Variants in RAPGEF4 observed in about 807,000 individuals in gnomAD.
RAPGEF4 encodes Rap guanine nucleotide exchange factor 4.
RAPGEF4 carries 66 observed loss-of-function variants against 147.9 expected under a neutral mutation model. The observed-to-expected ratio is 0.45, with a 90% CI of 0.37 to 0.55. The LOEUF (loss-of-function observed/expected upper bound fraction) is 0.55, where lower values mean the gene tolerates loss of function less well. Among genes scored for constraint, RAPGEF4 ranks in the 20% least tolerant of loss-of-function variants. RAPGEF4 has a pLI of 0.00. For synonymous variants in RAPGEF4, 419 were observed against 442.7 expected, an observed-to-expected ratio of 0.95 and a Z score of 0.67; for missense variants, 1,071 against 1,257.3, an observed-to-expected ratio of 0.85 and a Z score of 2.24.
In RAPGEF4 at chr2:172,797,507, A is replaced by C; in HGVS notation, c.209-18A>C. ...AAGTTGTATCTGTTATATTTATATC[A>C]CAATTTTTTTTTCCCAGTATTTCGC... On this transcript the variant is annotated intron_variant, in intron 2 of 30. Transcript: ENST00000397081. The C allele has an allele frequency of 6.3e-7, 1 of 1,597,922 alleles. No homozygotes were observed. Among genetic ancestry groups the C allele is most frequent in the East Asian group, 2.2e-5 (1 of 44,722 alleles).
chr2:172,780,662 C>A, intron 1 of RAPGEF4, among the ~76,000 whole-genome samples: 1 of 152,154 alleles, frequency 6.6e-6, no homozygotes, highest in Non-Finnish European at 1.5e-5. Context: ...TGCTGCTCTT[C>A]AATACCTTGG....
At chr2:172,846,558 C>A (rs1300699331) in intron 4 of RAPGEF4, among the ~76,000 whole-genome samples, 3 of 152,108 alleles carry the variant, frequency 2.0e-5, no homozygotes, top group African/African-American at 7.2e-5. Flanking sequence ...TAAGATCTTC[C>A]CTCTCCCAGA....
chr2:173,024,645 A>G (rs897866574), intron 23 of RAPGEF4, among the ~76,000 whole-genome samples: 5 of 152,364 alleles, frequency 3.3e-5, no homozygotes, highest in African/African-American at 1.2e-4. Context: ...TATAGGTATC[A>G]TGACCCCAAT....
chr2:173,018,907 T>C (rs1407147735), intron 22 of RAPGEF4, 105 bp downstream of exon 22: 2 of 1,272,208 alleles, frequency 1.6e-6, no homozygotes, highest in Non-Finnish European at 1.1e-6. Context: ...ACCCAGAGGA[T>C]GAACTGGTGC....
chr2:172,737,475 G>A (rs1693904100), intron 1 of RAPGEF4, among the ~76,000 whole-genome samples: 1 of 151,992 alleles, frequency 6.6e-6, no homozygotes, highest in Admixed American at 6.5e-5. Context: ...ATATTTCTAT[G>A]TGTAGAAATG....
intron 29 of RAPGEF4, among the ~76,000 whole-genome samples, chr2:173,045,588 A>G (rs910542098): frequency 3.3e-5 from 5 of 152,222 alleles, no homozygotes; most frequent in African/African-American, 4.8e-5. Context: ...CTGTTGGGTC[A>G]TTGCCGTGGC....
intron 4 of RAPGEF4, among the ~76,000 whole-genome samples, chr2:172,902,165 A>C (rs896605414): frequency 1.9e-4 from 29 of 152,100 alleles, no homozygotes; most frequent in Admixed American, 8.5e-4. Context: ...AAAGGAATGA[A>C]TAGGGGAGGC....
At chr2:172,983,353 C>G in intron 10 of RAPGEF4, 143 bp from the exon 11 acceptor site, 5 of 1,434,952 alleles carry the variant, frequency 3.5e-6, no homozygotes, top group Non-Finnish European at 4.6e-6. Flanking sequence ...AGGCATTATA[C>G]TGGTGCAACC....
At chr2:172,949,515 A>G (rs1688006083) in intron 6 of RAPGEF4, among the ~76,000 whole-genome samples, 1 of 152,190 alleles carries the variant, frequency 6.6e-6, no homozygotes. Context: ...CAGTTGTTTC[A>G]TCTGATGCAT....
chr2:172,788,152 G>T (rs1021463989), intron 1 of RAPGEF4, among the ~76,000 whole-genome samples: 3 of 152,144 alleles, frequency 2.0e-5, no homozygotes, highest in South Asian at 4.1e-4. Flanking sequence ...TGCCCTTACG[G>T]TCTAATCACC....
At chr2:172,812,516 A>G (rs1688121678) in intron 3 of RAPGEF4, among the ~76,000 whole-genome samples, 1 of 152,208 alleles carries the variant, frequency 6.6e-6, no homozygotes, top group South Asian at 2.1e-4. Flanking sequence ...TGTGTCTCCC[A>G]GCCTCTGTAT....
intron 4 of RAPGEF4, among the ~76,000 whole-genome samples, chr2:172,857,905 A>G (rs1448439677): frequency 9.4e-3 from 47 of 5,010 alleles, no homozygotes; most frequent in Non-Finnish European, 0.02. Context: ...AAAAAAAAAA[A>G]AAAAAAAAAA....
At chr2:172,744,304 A>G (rs1168460446) in intron 1 of RAPGEF4, 1 of 417,204 alleles carries the variant, frequency 2.4e-6, no homozygotes, top group East Asian at 7.6e-5. Flanking sequence ...ACCTGGATTC[A>G]AATTCTGTCA....
At position 173,049,145 on chromosome 2, in the gene RAPGEF4, CA is replaced by C. The variant is rs370078373; in HGVS notation, c.2908+492del. Among the ~76,000 whole-genome samples the C allele has an allele frequency of 1.1e-4, 16 of 152,302 alleles. No individual in the cohort carries two copies. In the East Asian group the frequency reaches 1.7e-3, roughly 17 times the overall value. ...CGTAAAAGGTCCAAAAACAGGATTT[CA>C]TATTATATTTCTAGTATTCCCACAT... is the stretch of plus-strand genomic sequence containing the variant. On this transcript the variant is annotated intron_variant, in intron 30 of 30. Coordinates refer to ENST00000397081, the MANE Select transcript of RAPGEF4 (RefSeq NM_007023.4).
chr2:172,996,424 C>A, intron 15 of RAPGEF4, 42 bp from the exon 16 acceptor site: 3 of 1,205,696 alleles, frequency 2.5e-6, no homozygotes, highest in South Asian at 1.5e-5. Context: ...TAATGATTTG[C>A]CCACTTTTGA....
chr2:172,767,178 A>ATTT (rs530659614), intron 1 of RAPGEF4, among the ~76,000 whole-genome samples: 2 of 136,962 alleles, frequency 1.5e-5, no homozygotes, highest in African/African-American at 5.4e-5. Context: ...TAAACACTCT[A>ATTT]TTTTTTTTTT....
chr2:172,983,461 T>G (rs1468453336), intron 10 of RAPGEF4, 35 bp from the exon 11 acceptor site: 2 of 1,581,636 alleles, frequency 1.3e-6, no homozygotes, highest in Admixed American at 1.9e-5. Context: ...TGATGCCCTT[T>G]TTCCATATTC....
chr2:172,795,465 C>A (rs1158815098), intron 2 of RAPGEF4, among the ~76,000 whole-genome samples: 1 of 152,190 alleles, frequency 6.6e-6, no homozygotes, highest in African/African-American at 2.4e-5. Context: ...ACATAATTGT[C>A]TTCTCTAATC....
intron 1 of RAPGEF4, among the ~76,000 whole-genome samples, chr2:172,773,777 A>G (rs192019523): frequency 6.6e-6 from 1 of 152,110 alleles, no homozygotes; most frequent in African/African-American, 2.4e-5. Flanking sequence ...AAACAAAACA[A>G]AACAAAACAA....
Sources: gnomAD v4.1 joint callset for allele counts (sites outside exome capture counted in the v4.1 genomes callset) on GRCh38, gnomAD v4.1.1 for gene constraint, MANE v1.5 for transcripts, NCBI Gene and HGNC (gene_info 2026-07-23, HGNC 2026-07-21) for gene names.